GRM7: variants seen among roughly 807,000 people sequenced by gnomAD.
GRM7 encodes the protein glutamate metabotropic receptor 7.
GRM7 carries 35 observed loss-of-function variants against 84.5 expected under a neutral mutation model. The observed-to-expected ratio is 0.41, with a 90% CI of 0.32 to 0.55. The LOEUF is 0.55. Ranked by LOEUF, GRM7 falls within the 20% of genes least tolerant of loss-of-function variation. The pLI, the probability that GRM7 is intolerant of heterozygous loss-of-function variation, is 0.19. For synonymous variants in GRM7, 487 were observed against 455.1 expected, an observed-to-expected ratio of 1.07 and a Z score of -0.89; for missense variants, 1,003 against 1,194.6, an observed-to-expected ratio of 0.84 and a Z score of 2.36.
At position 7,579,023 on chromosome 3, in the gene GRM7, C is replaced by T; in HGVS notation, c.2117C>T (p.Thr706Ile). ...LISPTSQLAI[T>I]SSLISVQLLG... ...AGCCCAACATCACAACTGGCAATCA[C>T]TTCCAGTTTAATATCAGTTCAGCTT... Residue 706 changes from threonine (T) to isoleucine (I), a missense_variant, in exon 8 of 10, where the codon ACT becomes ATT. Thr to Ile is a moderately conservative substitution (Grantham distance 89). Coordinates refer to ENST00000357716, the MANE Select transcript of GRM7 (RefSeq NM_000844.4). The T allele has an allele frequency of 6.2e-7, 1 of 1,613,880 alleles. No homozygotes were observed. The highest frequency in any genetic ancestry group is 8.5e-7 in the Non-Finnish European group (1 of 1,179,786).
chr3:6,906,206 T>C (rs994861657), intron 1 of GRM7, among the ~76,000 whole-genome samples: 2 of 152,158 alleles, frequency 1.3e-5, no homozygotes, highest in African/African-American at 2.4e-5. Flanking sequence ...ACTTGATTCA[T>C]GTATAATATC....
chr3:7,243,810 G>T (rs1697654623), intron 2 of GRM7, among the ~76,000 whole-genome samples: 1 of 152,112 alleles, frequency 6.6e-6, no homozygotes, highest in African/African-American at 2.4e-5. Context: ...ATATGGTATA[G>T]CCCATTCCAT....
intron 1 of GRM7, among the ~76,000 whole-genome samples, chr3:7,086,829 A>C (rs1033267182): frequency 3.9e-5 from 6 of 152,248 alleles, no homozygotes; most frequent in African/African-American, 1.4e-4. Context: ...TCCAGGCTCA[A>C]AATCTCAGGA....
chr3:7,649,660 C>T (rs553325286), intron 8 of GRM7, among the ~76,000 whole-genome samples: 89 of 152,270 alleles, frequency 5.8e-4, no homozygotes, highest in Non-Finnish European at 1.0e-3. Flanking sequence ...CTTTGTAACA[C>T]AGTCCCTTTG....
At position 7,098,301 on chromosome 3, in the gene GRM7, T is replaced by G. The variant is rs966199620; in HGVS notation, c.520-48151T>G. Among the ~76,000 whole-genome samples the G allele has an allele frequency of 4.3e-4, 65 of 152,040 alleles. 2 individuals carry two copies. The highest frequency in any genetic ancestry group is 1.5e-5 in the Non-Finnish European group (1 of 67,960). ...TGTTGGGTCCTTGCATGTTAAAGTA[T>G]TTACAGTAAAACCTAGATCTAGGAA... On this transcript the variant is annotated intron_variant, in intron 1 of 9. Transcript: ENST00000357716.
chr3:7,691,370 T>TATC (rs1700794598), intron 9 of GRM7: 3 of 666,172 alleles, frequency 4.5e-6, no homozygotes, highest in Non-Finnish European at 6.4e-6. Flanking sequence ...TGGCATGTGC[T>TATC]ATCTTTTTCT....
intron 2 of GRM7, among the ~76,000 whole-genome samples, chr3:7,247,912 C>A (rs1397302412): frequency 6.6e-6 from 1 of 152,098 alleles, no homozygotes; most frequent in Non-Finnish European, 1.5e-5. Flanking sequence ...ATTATACTCA[C>A]TAGAATGGCT....
chr3:6,968,921 C>A (rs1236587850), intron 1 of GRM7, among the ~76,000 whole-genome samples: 1 of 152,148 alleles, frequency 6.6e-6, no homozygotes. Context: ...TTTGAGTACA[C>A]CAGAAATTCA....
chr3:7,469,198 G>A (rs1395719846), intron 7 of GRM7, among the ~76,000 whole-genome samples: 2 of 152,186 alleles, frequency 1.3e-5, no homozygotes, highest in Non-Finnish European at 2.9e-5. Context: ...GAATGGATCA[G>A]AGGATGCAAC....
At chr3:7,073,742 G>T (rs1250485592) in intron 1 of GRM7, among the ~76,000 whole-genome samples, 1 of 152,094 alleles carries the variant, frequency 6.6e-6, no homozygotes, top group African/African-American at 2.4e-5. Flanking sequence ...TTATAATATG[G>T]TACTTCTGAT....
chr3:6,971,659 T>G (rs1404884370), intron 1 of GRM7, among the ~76,000 whole-genome samples: 1 of 152,226 alleles, frequency 6.6e-6, no homozygotes, highest in African/African-American at 2.4e-5. Context: ...TATCAACTAC[T>G]ATTCAGGTTT....
chr3:7,290,586 G>A (rs1029058018), intron 2 of GRM7, among the ~76,000 whole-genome samples: 3 of 152,184 alleles, frequency 2.0e-5, no homozygotes, highest in Admixed American at 2.0e-4. Context: ...AATGAGAGGT[G>A]TGGTCCTCAC....
intron 1 of GRM7, among the ~76,000 whole-genome samples, chr3:7,084,382 G>C (rs1298612603): frequency 6.6e-6 from 1 of 152,088 alleles, no homozygotes; most frequent in African/African-American, 2.4e-5. Context: ...CTCCCAGAAA[G>C]TTCTGATGCT....
chr3:7,331,307 T>C (rs1275751014), intron 4 of GRM7, among the ~76,000 whole-genome samples: 1 of 151,790 alleles, frequency 6.6e-6, no homozygotes, highest in East Asian at 1.9e-4. Context: ...ATCAAAAGAG[T>C]GTCATGATGG....
At chr3:7,098,744 G>A (rs1698942167) in intron 1 of GRM7, among the ~76,000 whole-genome samples, 4 of 151,902 alleles carry the variant, frequency 2.6e-5, no homozygotes, top group Admixed American at 2.6e-4. Context: ...AACCATATGA[G>A]GGACTCCATT....
At position 7,345,370 on chromosome 3, in the gene GRM7, G is replaced by A. The variant is rs964143755; in HGVS notation, c.1033+38718G>A. Among the ~76,000 whole-genome samples, 5 of 151,966 alleles carry A rather than the reference G, an allele frequency of 3.3e-5. No individual in the cohort carries two copies. The South Asian group carries it at 1.0e-3, about 32-fold the overall frequency. ...GCTCACTGCAACCTCCACTTCCTGG[G>A]TGTTTAAGTAATTCTGCTGACTTAG... On this transcript the variant is annotated intron_variant, in intron 4 of 9. Transcript: ENST00000357716.
At chr3:6,921,143 T>C (rs1275827953) in intron 1 of GRM7, among the ~76,000 whole-genome samples, 3 of 152,184 alleles carry the variant, frequency 2.0e-5, no homozygotes, top group Non-Finnish European at 4.4e-5. Context: ...CTTTGGCTTA[T>C]CTGTGTGGTT....
At chr3:6,948,179 C>G (rs1003338669) in intron 1 of GRM7, among the ~76,000 whole-genome samples, 1 of 151,954 alleles carries the variant, frequency 6.6e-6, no homozygotes, top group Non-Finnish European at 1.5e-5. Context: ...TCTGCTTTCT[C>G]TTGTGGGCAT....
At position 7,644,193 on chromosome 3, in the gene GRM7, CGTATAT is replaced by C. The variant is rs1559459774; in HGVS notation, c.2452-35855_2452-35850del. 3.0e-4 allele frequency among the ~76,000 whole-genome samples: 30 copies of C among 101,370 alleles called. 1 individual carries two copies. The highest frequency in any genetic ancestry group is 9.2e-4 in the African/African-American group (25 of 27,240). 66.5% of individuals were successfully genotyped at this position (101,370 alleles called of 152,430 possible). A position where few individuals can be genotyped will look rare whatever the true frequency, so the allele number is the denominator to read the frequency against. ...GTCTGTACATATATATATGTCTGTA[CGTATAT>C]ATATATGTCTGTACATATATATGTG... On this transcript the variant is annotated intron_variant, in intron 8 of 9. Coordinates refer to ENST00000357716, the MANE Select transcript of GRM7 (RefSeq NM_000844.4).
Sources: allele counts gnomAD v4.1 joint callset (sites outside exome capture counted in the v4.1 genomes callset), GRCh38; gene constraint gnomAD v4.1.1; transcripts MANE v1.5; gene names NCBI Gene and HGNC (gene_info 2026-07-23, HGNC 2026-07-21).